The following NEK5 variants were observed in gnomAD, a reference collection of about 807,000 sequenced individuals.
NEK5 encodes NIMA related kinase 5.
In NEK5, 88 loss-of-function variants were observed where a neutral mutation model predicts 109.2. The ratio of observed to expected loss-of-function variants is 0.81; its 90% confidence interval spans 0.68 to 0.96. NEK5 has a LOEUF of 0.96. NEK5 is among the 40% of genes least tolerant of loss of function. NEK5 has a pLI of 0.00. For synonymous variants in NEK5, 283 were observed against 299.9 expected (o/e 0.94, Z 0.58); for missense variants, 834 against 920.7 (o/e 0.91, Z 1.22).
At chr13:52,074,095 A>G (rs1305661430) in intron 19 of NEK5, among the ~76,000 whole-genome samples, 2 of 152,120 alleles carry the variant, frequency 1.3e-5, no homozygotes, top group Non-Finnish European at 2.9e-5. Context: ...CAAACTACCA[A>G]TGTAACTTTT....
chr13:52,054,945 C>T (rs1401974124), intron 22 of NEK5, among the ~76,000 whole-genome samples: 194 of 140,766 alleles, frequency 1.4e-3, no homozygotes, highest in Middle Eastern at 3.6e-3. Flanking sequence ...CAAAGCTGGA[C>T]GGAGAATGAC....
chr13:52,081,071 T>A (rs1235792954), intron 17 of NEK5, among the ~76,000 whole-genome samples: 2 of 151,968 alleles, frequency 1.3e-5, no homozygotes, highest in Non-Finnish European at 2.9e-5. Flanking sequence ...GAACATTCTG[T>A]TAGGAACAAC....
chr13:52,084,699 G>A (rs7333070), intron 16 of NEK5, among the ~76,000 whole-genome samples: 6,298 of 147,434 alleles, frequency 0.043, 159 homozygotes, highest in South Asian at 0.087. Context: ...CACCATGTCC[G>A]GCTAATTTAA....
chr13:52,093,246 C>T lies in NEK5; in HGVS notation c.1027-11G>A. The stretch of plus-strand genomic sequence containing the variant: ...TTCTATCATTTTTATCTGAAGAAAA[C>T]AAGAGGGGATGTTTTTAAAAACCAT... On this transcript the variant is annotated splice_polypyrimidine_tract_variant and intron_variant, in intron 12 of 23. Transcript: ENST00000684899. 6.2e-7 allele frequency: 1 copy of T among 1,602,552 alleles called. No homozygotes were observed. The highest frequency in any genetic ancestry group is 8.5e-7 in the Non-Finnish European group (1 of 1,170,118).
At chr13:52,053,938 T>C (rs2408548) in intron 22 of NEK5, among the ~76,000 whole-genome samples, 90,380 of 152,080 alleles carry the variant, frequency 0.59, 29,104 homozygotes, top group Non-Finnish European at 0.72. Flanking sequence ...GCAGCTGAAC[T>C]TGTGTTTTGT....
chr13:52,112,486 C>T (rs1433529411), intron 4 of NEK5, 121 bp from the exon 5 acceptor site: 5 of 617,800 alleles, frequency 8.1e-6, no homozygotes, highest in Non-Finnish European at 1.4e-5. Context: ...TTTCTTAGCT[C>T]TGTGACTCTG....
At chr13:52,080,039 A>T (rs1232250969) in intron 17 of NEK5, among the ~76,000 whole-genome samples, 1 of 147,892 alleles carries the variant, frequency 6.8e-6, no homozygotes, top group African/African-American at 2.5e-5. Flanking sequence ...GCCCCGTCTA[A>T]GAAGTGAGGA....
intron 17 of NEK5, among the ~76,000 whole-genome samples, chr13:52,079,465 G>A (rs1954932337): frequency 6.6e-6 from 1 of 152,198 alleles, no homozygotes; most frequent in Non-Finnish European, 1.5e-5. Flanking sequence ...ACGCCTGACT[G>A]GTTTTCGTAT....
At chr13:52,045,140 T>TA (rs1458666240) in intron 23 of NEK5, among the ~76,000 whole-genome samples, 2 of 146,508 alleles carry the variant, frequency 1.4e-5, no homozygotes, top group African/African-American at 5.0e-5. Flanking sequence ...CTTTTTTTTT[T>TA]TTTTTTTTTG....
chr13:52,071,018 G>A (rs547679618), intron 20 of NEK5, among the ~76,000 whole-genome samples: 2 of 152,294 alleles, frequency 1.3e-5, no homozygotes, highest in Admixed American at 6.5e-5. Context: ...GGCAGCAACA[G>A]CTGAGATTCA....
intron 1 of NEK5, among the ~76,000 whole-genome samples, chr13:52,128,265 A>G (rs1956107516): frequency 6.6e-6 from 1 of 151,902 alleles, no homozygotes; most frequent in African/African-American, 2.4e-5. Context: ...GAGGTTTACC[A>G]AGAATTGTTC....
chr13:52,042,801 A>G (rs1203191852), intron 23 of NEK5, among the ~76,000 whole-genome samples: 3 of 152,106 alleles, frequency 2.0e-5, no homozygotes, highest in Non-Finnish European at 4.4e-5. Flanking sequence ...CTGTATCTTC[A>G]AAATTATTAT....
At chr13:52,040,176 C>T (rs1954401552) in intron 23 of NEK5, among the ~76,000 whole-genome samples, 1 of 151,548 alleles carries the variant, frequency 6.6e-6, no homozygotes, top group Admixed American at 6.6e-5. Flanking sequence ...CCTCCGCCTC[C>T]CAGGTTCAAA....
At chr13:52,119,748 A>C (rs1471203834) in intron 3 of NEK5, among the ~76,000 whole-genome samples, 1 of 152,212 alleles carries the variant, frequency 6.6e-6, no homozygotes, top group Non-Finnish European at 1.5e-5. Flanking sequence ...AATTCTTTAT[A>C]AAAATGCAAC....
At chr13:52,050,587 C>G (rs1954494839) in intron 22 of NEK5, among the ~76,000 whole-genome samples, 1 of 151,190 alleles carries the variant, frequency 6.6e-6, no homozygotes, top group Admixed American at 6.6e-5. Context: ...GTAGGGAAAA[C>G]CCAAAGCACA....
chr13:52,069,116 G>GT (rs952785380), intron 20 of NEK5, among the ~76,000 whole-genome samples: 8 of 151,428 alleles, frequency 5.3e-5, no homozygotes, highest in East Asian at 1.9e-4. Flanking sequence ...ACTGATGAAG[G>GT]TTTTTTTTTC....
At chr13:52,060,678 T>C (rs762761234) in intron 22 of NEK5, among the ~76,000 whole-genome samples, 1 of 152,148 alleles carries the variant, frequency 6.6e-6, no homozygotes, top group Non-Finnish European at 1.5e-5. Context: ...CCTCCAAGAA[T>C]ATCTAGTACC....
chr13:52,065,297 G>T, intron 21 of NEK5, 187 bp downstream of exon 21: 7 of 828,730 alleles, frequency 8.4e-6, no homozygotes, highest in Non-Finnish European at 2.1e-6. Flanking sequence ...GTGGTCATTT[G>T]TCCAGGATAA....
chr13:52,068,949 C>T (rs895395141), intron 20 of NEK5, among the ~76,000 whole-genome samples: 21 of 146,138 alleles, frequency 1.4e-4, no homozygotes, highest in Admixed American at 5.6e-4. Flanking sequence ...CCAGCCTGGG[C>T]GACAGAGGGA....
Sources: gnomAD v4.1 joint callset for allele counts (sites outside exome capture counted in the v4.1 genomes callset) on GRCh38, gnomAD v4.1.1 for gene constraint, MANE v1.5 for transcripts, NCBI Gene and HGNC (gene_info 2026-07-23, HGNC 2026-07-21) for gene names.